The following RESF1 variants were observed in gnomAD, a reference collection of about 807,000 sequenced individuals.
RESF1 encodes the protein gonad expressed transcript.
A neutral mutation model predicts 134.7 loss-of-function variants in RESF1; 65 were observed. That is an observed-to-expected ratio of 0.48 (90% CI 0.40 to 0.59). RESF1 has a LOEUF of 0.59. RESF1 is among the 20% of genes least tolerant of loss of function. RESF1 has a pLI of 0.00. For missense variants in RESF1, 2,274 were observed against 2,002.7 expected, an observed-to-expected ratio of 1.14 and a Z score of -2.59; for synonymous variants, 762 against 702.2, an observed-to-expected ratio of 1.09 and a Z score of -1.35.
rs1245963997 is a variant in RESF1 at position 31,981,989 on chromosome 12, A to G, written c.1034A>G (p.Asn345Ser). The change falls in exon 4 of 6, where the codon AAC (asparagine) becomes AGC (serine). Residue 345 changes from asparagine to serine, a missense_variant. By Grantham distance (46) the Asn-to-Ser change is conservative (BLOSUM62 1). Transcript: ENST00000312561. ...TTCACTAACTTGAAAGTAAATACCA[A>G]CAGCAAACAGCCTTTTAACAGTCCC... is the stretch of plus-strand genomic sequence containing the variant. ...GNFTNLKVNT[N>S]SKQPFNSPIR... The G allele has an allele frequency of 1.9e-6, 3 of 1,614,198 alleles. No homozygotes were observed. The highest frequency in any genetic ancestry group is 1.7e-5 in the Admixed American group (1 of 60,024).
At position 31,963,894 on chromosome 12, in the gene RESF1, C is replaced by T. The variant is rs901573645; in HGVS notation, c.-247+3023C>T. On this transcript the variant is annotated intron_variant, in intron 2 of 5. Transcript: ENST00000312561. ...CATTCGTTTTTATTACCAGATATTC[C>T]GTTGTATGGATATGCCACTTTTGCT... Among the ~76,000 whole-genome samples the T allele has an allele frequency of 6.6e-5, 10 of 152,254 alleles. No homozygotes were observed. The East Asian group carries it at 1.2e-3, about 18-fold the overall frequency.
At chr12:31,974,335 T>G (rs985361037) in intron 3 of RESF1, among the ~76,000 whole-genome samples, 1 of 152,108 alleles carries the variant, frequency 6.6e-6, no homozygotes, top group Non-Finnish European at 1.5e-5. Flanking sequence ...TCTGGAATCA[T>G]GGGCAGAGAC....
intron 1 of RESF1, chr12:31,959,907 A>G (rs1006959822): frequency 6.6e-6 from 1 of 151,930 alleles, no homozygotes; most frequent in Non-Finnish European, 1.5e-5. Context: ...GCGGGTGGGT[A>G]TGAGAGCTGC....
In RESF1 at chr12:31,985,367, A is replaced by G. The variant is rs951564874; in HGVS notation, c.4412A>G (p.Asn1471Ser). 1 of 1,607,210 alleles carries G rather than the reference A, an allele frequency of 6.2e-7. No homozygotes were observed. ...NKASKKICVKNVPCDSEHMRP... is the reference protein window; with the variant it reads ...NKASKKICVKSVPCDSEHMRP... ...GCATCGAAGAAAATCTGTGTGAAAAACGTGCCATGTGATTCTGAACATATG... is the reference window on the plus strand; with the variant it reads ...GCATCGAAGAAAATCTGTGTGAAAAGCGTGCCATGTGATTCTGAACATATG... Residue 1471 changes from asparagine (N) to serine (S), a missense_variant, in exon 4 of 6, where the codon AAC (asparagine) becomes AGC (serine). Asn to Ser is a conservative substitution (Grantham distance 46). Coordinates refer to ENST00000312561, the MANE Select transcript of RESF1 (RefSeq NM_018169.4).
In RESF1 at chr12:31,984,512, C is replaced by T. The variant is rs1178128484; in HGVS notation, c.3557C>T (p.Pro1186Leu). 1.2e-6 allele frequency: 2 copies of T among 1,605,294 alleles called. No homozygotes were observed. Among genetic ancestry groups the T allele is most frequent in the Non-Finnish European group, 1.7e-6 (2 of 1,174,814 alleles). ...GWLSMVYEGV[P>L]QCQCNSIKNS... is the part of the protein sequence containing the mutation. ...CTCTCCATGGTTTACGAAGGAGTAC[C>T]CCAGTGTCAGTGTAATTCCATCAAG... Residue 1186 changes from proline (P) to leucine (L), a missense_variant, in exon 4 of 6, where the codon CCC becomes CTC. Physicochemically the swap from Pro to Leu is moderately conservative, Grantham distance 98 (BLOSUM62 -3). Coordinates refer to ENST00000312561, the MANE Select transcript of RESF1 (RefSeq NM_018169.4).
intron 5 of RESF1, among the ~76,000 whole-genome samples, chr12:31,990,486 C>T (rs1001920818): frequency 5.9e-5 from 9 of 152,000 alleles, no homozygotes; most frequent in South Asian, 2.1e-4. Flanking sequence ...CTCGCTGTGT[C>T]GCCCAGGCTG....
rs752298268 is a variant in RESF1, at chr12:31,988,514, C to T, written c.5086+1192C>T. Among the ~76,000 whole-genome samples, 9 of 152,100 alleles carry T rather than the reference C, an allele frequency of 5.9e-5. No homozygotes were observed. The South Asian group carries it at 6.2e-4, about 11-fold the overall frequency. ...ATACTATGCCATTTTACATAAGGAA[C>T]TTAAGCATCCCCAGATTTTGGTATC... On this transcript the variant is annotated intron_variant, in intron 5 of 5. Transcript: ENST00000312561.
intron 5 of RESF1, among the ~76,000 whole-genome samples, chr12:31,989,500 G>A (rs1048548313): frequency 6.6e-6 from 1 of 151,764 alleles, no homozygotes; most frequent in Middle Eastern, 3.4e-3. Context: ...TTTTATAAAA[G>A]GAATTGACAA....
chr12:31,981,564 T>C lies in RESF1; in HGVS notation c.609T>C (p.Ser203=), dbSNP rs1338445008. Residue 203 remains serine, a synonymous_variant, in exon 4 of 6, where the codon TCT becomes TCC. Transcript: ENST00000312561. ...QQVDWTQQCI[S]KGLTYPDYRP... is the part of the protein sequence containing the mutation. The stretch of plus-strand genomic sequence containing the variant: ...TTGATTGGACACAACAGTGTATATC[T>C]AAGGGACTGACTTACCCAGATTACA... 1.2e-6 allele frequency: 2 copies of C among 1,614,170 alleles called. No individual in the cohort carries two copies. Among genetic ancestry groups the C allele is most frequent in the South Asian group, 1.1e-5 (1 of 91,084 alleles).
At chr12:31,990,140 G>A (rs1940066067) in intron 5 of RESF1, among the ~76,000 whole-genome samples, 1 of 152,188 alleles carries the variant, frequency 6.6e-6, no homozygotes, top group South Asian at 2.1e-4. Flanking sequence ...ATCTGAAGCT[G>A]AAAACACTCA....
At chr12:31,988,925 C>T (rs1189148894) in intron 5 of RESF1, among the ~76,000 whole-genome samples, 1 of 151,658 alleles carries the variant, frequency 6.6e-6, no homozygotes, top group Non-Finnish European at 1.5e-5. Context: ...AACTCCTGAA[C>T]TCAGGTGATC....
At chr12:31,989,490 T>C (rs1474535338) in intron 5 of RESF1, among the ~76,000 whole-genome samples, 3 of 151,192 alleles carry the variant, frequency 2.0e-5, no homozygotes, top group Non-Finnish European at 2.9e-5. Context: ...AAGAAGCACA[T>C]TTTATAAAAG....
Position 31,981,390 on chromosome 12 carries a change from C to A in RESF1, c.435C>A (p.Asn145Lys), listed in dbSNP as rs373407167. The A allele has an allele frequency of 1.9e-6, 3 of 1,614,068 alleles. No homozygotes were observed. The highest frequency in any genetic ancestry group is 2.2e-5 in the East Asian group (1 of 44,886). The change falls in exon 4 of 6, where the codon AAC (asparagine) becomes AAA (lysine). Residue 145 changes from asparagine to lysine, a missense_variant. By Grantham distance (94) the Asn-to-Lys change is moderately conservative. Transcript: ENST00000312561. ...TVSHQTDFGA[N>K]VPNMPALQSQ... Reference sequence around the variant, plus strand: ...CTCATCAAACTGATTTTGGAGCTAACGTACCCAATATGCCGGCACTACAGA... The same window carrying A: ...CTCATCAAACTGATTTTGGAGCTAAAGTACCCAATATGCCGGCACTACAGA...
Position 31,985,355 on chromosome 12 carries a change from T to G in RESF1, c.4400T>G (p.Ile1467Ser). The G allele has an allele frequency of 6.2e-7, 1 of 1,609,222 alleles. No individual in the cohort carries two copies. The highest frequency in any genetic ancestry group is 1.1e-5 in the South Asian group (1 of 89,858). The change falls in exon 4 of 6, where the codon ATC becomes AGC. Residue 1467 changes from isoleucine (I) to serine (S), a missense_variant. Coordinates refer to ENST00000312561, the MANE Select transcript of RESF1 (RefSeq NM_018169.4). ...CTGAGTAATAAAGCATCGAAGAAAA[T>G]CTGTGTGAAAAACGTGCCATGTGAT... ...EALSNKASKKICVKNVPCDSE... is the reference protein window; with the variant it reads ...EALSNKASKKSCVKNVPCDSE...
rs771947480 is a variant in RESF1, at chr12:31,983,512, A to C, written c.2557A>C (p.Asn853His). Residue 853 changes from asparagine to histidine, a missense_variant, in exon 4 of 6, where the codon AAT (asparagine) becomes CAT (histidine). Physicochemically the swap from Asn to His is moderately conservative, Grantham distance 68 (BLOSUM62 1). Coordinates refer to ENST00000312561, the MANE Select transcript of RESF1 (RefSeq NM_018169.4). ...STNGNSEVTP[N>H]VNQGKHNKLE... Reference sequence around the variant, plus strand: ...TAATGGTAATTCAGAAGTCACACCTAATGTCAATCAAGGAAAGCATAACAA... The same window carrying C: ...TAATGGTAATTCAGAAGTCACACCTCATGTCAATCAAGGAAAGCATAACAA... 42 of 1,614,116 alleles carry C rather than the reference A, an allele frequency of 2.6e-5. No individual in the cohort carries two copies. The South Asian group carries it at 4.5e-4, about 17-fold the overall frequency.
chr12:31,962,057 A>G (rs940192902), intron 2 of RESF1, among the ~76,000 whole-genome samples: 2 of 152,136 alleles, frequency 1.3e-5, no homozygotes, highest in African/African-American at 4.8e-5. Flanking sequence ...CAACATGGCA[A>G]AACCCCATCT....
chr12:31,969,152 C>G (rs963668665), intron 2 of RESF1, among the ~76,000 whole-genome samples: 5 of 152,126 alleles, frequency 3.3e-5, no homozygotes, highest in Admixed American at 3.3e-4. Flanking sequence ...CTGGGTCTTA[C>G]TGTGTTGCCC....
chr12:31,992,807 A>G lies in RESF1; in HGVS notation c.*272A>G. 2.7e-6 allele frequency: 1 copy of G among 377,328 alleles called. No individual in the cohort carries two copies. Among genetic ancestry groups the G allele is most frequent in the African/African-American group, 2.1e-5 (1 of 47,536 alleles). 23.4% of individuals were successfully genotyped at this position (377,328 alleles called of 1,614,324 possible). A position where few individuals can be genotyped will look rare whatever the true frequency, so the allele number is the denominator to read the frequency against. ...TACCATTATTTTAAAAGGAATGCTTATACAAATCAATTTGAAATTCTACCC... is the reference window on the plus strand; with the variant it reads ...TACCATTATTTTAAAAGGAATGCTTGTACAAATCAATTTGAAATTCTACCC... On this transcript the variant is annotated 3_prime_UTR_variant, in exon 6 of 6. Coordinates refer to ENST00000312561, the MANE Select transcript of RESF1 (RefSeq NM_018169.4).
Position 31,960,804 on chromosome 12 carries a change from A to AG in RESF1, c.-311dup, listed in dbSNP as rs1939246856. On this transcript the variant is annotated 5_prime_UTR_variant, in exon 2 of 6. Coordinates refer to ENST00000312561, the MANE Select transcript of RESF1 (RefSeq NM_018169.4). ...CCAAAGAAGTAAACACTGTGTGGAGAGGGACTGACGTGTTTGGAGGGAAAT... is the reference window on the plus strand; with the variant it reads ...CCAAAGAAGTAAACACTGTGTGGAGAGGGGACTGACGTGTTTGGAGGGAAAT... 6.6e-6 allele frequency: 1 copy of AG among 152,212 alleles called. No homozygotes were observed. The highest frequency in any genetic ancestry group is 1.5e-5 in the Non-Finnish European group (1 of 68,024). The allele number at this position is 152,212 out of a possible 1,614,324, so 9.4% of individuals were successfully genotyped here.
Sources: allele counts gnomAD v4.1 joint callset (sites outside exome capture counted in the v4.1 genomes callset), GRCh38; gene constraint gnomAD v4.1.1; transcripts MANE v1.5; gene names NCBI Gene and HGNC (gene_info 2026-07-23, HGNC 2026-07-21).